The following DPP10 variants were observed in gnomAD, a reference collection of about 807,000 sequenced individuals.
DPP10 encodes dipeptidyl peptidase like 10, also known as inactive dipeptidyl peptidase 10.
Under a neutral mutation model 120.9 loss-of-function variants are expected in DPP10, and 33 were observed. The observed-to-expected ratio is 0.27, with a 90% CI of 0.21 to 0.37. The LOEUF is 0.37. DPP10 is among the 10% of genes least tolerant of loss of function. The pLI, the probability that DPP10 is intolerant of heterozygous loss-of-function variation, is 1.00. For synonymous variants in DPP10, 337 were observed against 326.1 expected, an observed-to-expected ratio of 1.03 and a Z score of -0.36; for missense variants, 816 against 942.8, an observed-to-expected ratio of 0.87 and a Z score of 1.76.
intron 1 of DPP10, among the ~76,000 whole-genome samples, chr2:114,564,194 T>G (rs1022687757): frequency 4.6e-5 from 7 of 152,218 alleles, no homozygotes; most frequent in Non-Finnish European, 1.0e-4. Context: ...TTATGAATAC[T>G]TCTTGCATCT....
intron 1 of DPP10, among the ~76,000 whole-genome samples, chr2:115,120,280 ACCT>A (rs1573686291): frequency 6.6e-6 from 1 of 152,048 alleles, no homozygotes; most frequent in East Asian, 1.9e-4. Context: ...AATTGGATAG[ACCT>A]CCTCATCCTG....
rs530972116 is a variant in DPP10 at position 115,741,190 on chromosome 2, T to C, written c.852+1297T>C. On this transcript the variant is annotated intron_variant, in intron 9 of 25. Coordinates refer to ENST00000410059, the MANE Select transcript of DPP10 (RefSeq NM_020868.6). Reference sequence around the variant, plus strand: ...AAAATGAGCATATTCCTCAGTGAGATTTCTCATCCATGTTCCTTCCACAGG... The same window carrying C: ...AAAATGAGCATATTCCTCAGTGAGACTTCTCATCCATGTTCCTTCCACAGG... 9.9e-4 allele frequency among the ~76,000 whole-genome samples: 150 copies of C among 152,240 alleles called. 1 individual carries two copies. Among genetic ancestry groups the C allele is most frequent in the African/African-American group, 3.3e-3 (139 of 41,558 alleles).
At chr2:115,207,886 G>T (rs2056255145) in intron 1 of DPP10, among the ~76,000 whole-genome samples, 1 of 152,114 alleles carries the variant, frequency 6.6e-6, no homozygotes, top group African/African-American at 2.4e-5. Flanking sequence ...CACATTGGGT[G>T]CAGGGAAACG....
chr2:115,198,162 A>G (rs17044170), intron 1 of DPP10, among the ~76,000 whole-genome samples: 30,271 of 152,136 alleles, frequency 0.2, 3,384 homozygotes, highest in East Asian at 0.39. Flanking sequence ...ATTAAAATAC[A>G]TATGCCTGTC....
At chr2:114,586,409 CT>C (rs1201680599) in intron 1 of DPP10, among the ~76,000 whole-genome samples, 2 of 152,218 alleles carry the variant, frequency 1.3e-5, no homozygotes, top group Non-Finnish European at 2.9e-5. Flanking sequence ...TGCGTCACGT[CT>C]TACTCACTGC....
chr2:114,894,878 G>T (rs956465062), intron 1 of DPP10, among the ~76,000 whole-genome samples: 1 of 152,084 alleles, frequency 6.6e-6, no homozygotes, highest in African/African-American at 2.4e-5. Flanking sequence ...AGATGGGAAA[G>T]GACATAGCTT....
At chr2:115,093,745 T>C (rs1024708824) in intron 1 of DPP10, among the ~76,000 whole-genome samples, 4 of 152,140 alleles carry the variant, frequency 2.6e-5, no homozygotes, top group Admixed American at 6.6e-5. Context: ...CACATAAACT[T>C]TAAGAAAATA....
intron 1 of DPP10, among the ~76,000 whole-genome samples, chr2:115,289,505 G>GAAAAAAA (rs148111691): frequency 1.9e-5 from 1 of 53,432 alleles, no homozygotes; most frequent in Non-Finnish European, 4.4e-5. Context: ...AAAAAAAAAA[G>GAAAAAAA]GAAGAAAAGA....
rs185512361 is a variant in DPP10 at position 115,597,603 on chromosome 2, A to G, written c.441+71631A>G. Among the ~76,000 whole-genome samples the G allele has an allele frequency of 6.0e-3, 899 of 150,654 alleles. 11 individuals are homozygous for G. The highest frequency in any genetic ancestry group is 0.021 in the African/African-American group (857 of 41,216). The stretch of plus-strand genomic sequence containing the variant: ...TATATGCATTATATATATTTCATTT[A>G]CATATATAAATAAAATGTGTGTGTG... On this transcript the variant is annotated intron_variant, in intron 5 of 25. Transcript: ENST00000410059.
intron 5 of DPP10, among the ~76,000 whole-genome samples, chr2:115,570,858 G>T (rs2081297880): frequency 6.6e-6 from 1 of 152,146 alleles, no homozygotes; most frequent in Admixed American, 6.5e-5. Context: ...TTGTTATTCA[G>T]TATACTTGTA....
intron 1 of DPP10, among the ~76,000 whole-genome samples, chr2:114,876,731 T>C (rs2106581884): frequency 6.6e-6 from 1 of 152,160 alleles, no homozygotes; most frequent in East Asian, 1.9e-4. Context: ...ACAAATCTTG[T>C]ATCTGTTCAT....
At position 114,624,001 on chromosome 2, in the gene DPP10, A is replaced by C. The variant is rs560740966; in HGVS notation, c.60+181163A>C. 1.2e-4 allele frequency among the ~76,000 whole-genome samples: 18 copies of C among 152,198 alleles called. 1 individual carries two copies. The South Asian group carries it at 3.7e-3, about 32-fold the overall frequency. On this transcript the variant is annotated intron_variant, in intron 1 of 25. Coordinates refer to ENST00000410059, the MANE Select transcript of DPP10 (RefSeq NM_020868.6). ...ATGATGGTACTCATAGGATTGTTAG[A>C]ATGAGTAAATTAGTTTAATATACAT...
At chr2:115,488,956 C>T (rs2075936121) in intron 3 of DPP10, among the ~76,000 whole-genome samples, 1 of 151,264 alleles carries the variant, frequency 6.6e-6, no homozygotes, top group Non-Finnish European at 1.5e-5. Flanking sequence ...AAAAAACATA[C>T]CTTTTAGAGT....
chr2:114,569,656 T>A (rs1342944450), intron 1 of DPP10, among the ~76,000 whole-genome samples: 2 of 152,146 alleles, frequency 1.3e-5, no homozygotes, highest in African/African-American at 2.4e-5. Flanking sequence ...CCCTTAAAGA[T>A]GTTGGACATT....
chr2:114,639,144 T>C (rs1270102472), intron 1 of DPP10, among the ~76,000 whole-genome samples: 1 of 151,876 alleles, frequency 6.6e-6, no homozygotes, highest in Non-Finnish European at 1.5e-5. Flanking sequence ...AGAGGTTTAA[T>C]TGACTCACAG....
chr2:115,116,902 A>C (rs1368699321), intron 1 of DPP10, among the ~76,000 whole-genome samples: 1 of 152,116 alleles, frequency 6.6e-6, no homozygotes, highest in Non-Finnish European at 1.5e-5. Context: ...ATCTTCCATA[A>C]ATTTTTATCA....
intron 1 of DPP10, among the ~76,000 whole-genome samples, chr2:114,942,695 C>T (rs1026881293): frequency 3.3e-5 from 5 of 151,934 alleles, no homozygotes; most frequent in Non-Finnish European, 7.4e-5. Context: ...ACATCCATTG[C>T]TCTTATTATT....
intron 1 of DPP10, among the ~76,000 whole-genome samples, chr2:114,541,804 A>G (rs575021416): frequency 1.3e-5 from 2 of 152,284 alleles, no homozygotes; most frequent in Non-Finnish European, 2.9e-5. Context: ...CAAACACAGG[A>G]GGAAAGAGTA....
intron 24 of DPP10, among the ~76,000 whole-genome samples, chr2:115,838,204 G>C (rs1250385943): frequency 6.6e-6 from 1 of 152,186 alleles, no homozygotes; most frequent in African/African-American, 2.4e-5. Flanking sequence ...TACAGTACCA[G>C]TGTTGGGTGA....
Sources: allele counts gnomAD v4.1 joint callset (sites outside exome capture counted in the v4.1 genomes callset), GRCh38; gene constraint gnomAD v4.1.1; transcripts MANE v1.5; gene names NCBI Gene and HGNC (gene_info 2026-07-23, HGNC 2026-07-21).